Variants in TNRC6C observed in about 807,000 individuals in gnomAD.
The protein encoded by TNRC6C is trinucleotide repeat-containing gene 6C protein.
A neutral mutation model predicts 153.7 loss-of-function variants in TNRC6C; 20 were observed. The observed-to-expected ratio is 0.13, with a 90% CI of 0.09 to 0.19. The LOEUF is 0.19. Ranked by LOEUF, TNRC6C falls within the 10% of genes least tolerant of loss-of-function variation. The pLI is 1.00. For missense variants in TNRC6C, 1,987 were observed against 2,172.0 expected, an observed-to-expected ratio of 0.91 and a Z score of 1.69; for synonymous variants, 811 against 841.4, an observed-to-expected ratio of 0.96 and a Z score of 0.63.
chr17:77,970,031 A>G (rs935356718), intron 1 of TNRC6C, among the ~76,000 whole-genome samples: 9 of 152,206 alleles, frequency 5.9e-5, no homozygotes, highest in Non-Finnish European at 8.8e-5. Flanking sequence ...CATTTAATTC[A>G]GCTACTTCCT....
intron 1 of TNRC6C, among the ~76,000 whole-genome samples, chr17:78,030,319 TGTGTGC>T (rs1207709004): frequency 7.2e-6 from 1 of 138,002 alleles, no homozygotes; most frequent in African/African-American, 2.5e-5. Context: ...CTGGCTTGTG[TGTGTGC>T]GTGTGTGTGT....
Position 78,073,026 on chromosome 17 carries a change from T to C in TNRC6C, c.2860-11T>C, listed in dbSNP as rs1480487994. The C allele has an allele frequency of 6.4e-6, 10 of 1,551,852 alleles. No individual in the cohort carries two copies. Among genetic ancestry groups the C allele is most frequent in the Non-Finnish European group, 8.7e-6 (10 of 1,146,780 alleles). On this transcript the variant is annotated splice_polypyrimidine_tract_variant and intron_variant, in intron 6 of 19. Coordinates refer to ENST00000301624, the Ensembl canonical transcript of TNRC6C. ...AATGTGCACTAATGAAAACTCTGTT[T>C]TCCTACACAGAGAGAGCCAGCTGAG...
intron 2 of TNRC6C, among the ~76,000 whole-genome samples, chr17:78,036,199 A>G (rs2072174989): frequency 6.6e-6 from 1 of 152,206 alleles, no homozygotes; most frequent in South Asian, 2.1e-4. Context: ...TGTTTTTCCC[A>G]GGTGTCTTAG....
exon 13 of TNRC6C, chr17:78,086,860 G>T: frequency 6.2e-7 from 1 of 1,611,670 alleles, no homozygotes; most frequent in Non-Finnish European, 8.5e-7. Flanking sequence ...CAGGTTGCGC[G>T]CACAATCACT....
intron 2 of TNRC6C, chr17:78,041,211 T>C (rs1008832859): frequency 2.6e-5 from 4 of 152,206 alleles, no homozygotes; most frequent in African/African-American, 9.7e-5. Flanking sequence ...GTTTGTGACA[T>C]AACATTCCAG....
intron 6 of TNRC6C, among the ~76,000 whole-genome samples, chr17:78,071,618 G>A (rs2072998784): frequency 6.6e-6 from 1 of 152,144 alleles, no homozygotes; most frequent in South Asian, 2.1e-4. Context: ...GAACACCTGG[G>A]CTCAAGCGAT....
intron 17 of TNRC6C, among the ~76,000 whole-genome samples, chr17:78,100,084 G>GGCAGC (rs1383252059): frequency 6.6e-6 from 1 of 152,154 alleles, no homozygotes; most frequent in Non-Finnish European, 1.5e-5. Context: ...CATGGTCTTG[G>GGCAGC]GCAGCTCTGC....
At chr17:78,108,767 C>G (rs1360566766) in exon 20 of TNRC6C, 1 of 152,722 alleles carries the variant, frequency 6.5e-6, no homozygotes, top group African/African-American at 2.4e-5. Context: ...AGGTTCTTCA[C>G]CTGCATCTGT....
intron 3 of TNRC6C, among the ~76,000 whole-genome samples, chr17:78,052,841 C>T (rs2072564726): frequency 6.6e-6 from 1 of 152,208 alleles, no homozygotes; most frequent in Admixed American, 6.5e-5. Context: ...GCTAACGCAT[C>T]AGTGTCACTA....
In TNRC6C at chr17:78,084,216, G is replaced by A. The variant is rs565773280; in HGVS notation, c.3477+1050G>A. Among the ~76,000 whole-genome samples the A allele has an allele frequency of 7.6e-4, 116 of 151,822 alleles. No individual in the cohort carries two copies. The Middle Eastern group carries it at 0.01, about 13-fold the overall frequency. On this transcript the variant is annotated intron_variant, in intron 11 of 19. Transcript: ENST00000301624. ...GGAGAATCGCTTGAACCTGGAAGGC[G>A]GAGGTTGCAGTGAGCCTCGCACCTT...
chr17:78,017,779 A>G (rs971355030), intron 1 of TNRC6C, among the ~76,000 whole-genome samples: 1 of 152,206 alleles, frequency 6.6e-6, no homozygotes, highest in Non-Finnish European at 1.5e-5. Context: ...CAGCCCCCGA[A>G]GGCGAGAAGC....
intron 1 of TNRC6C, among the ~76,000 whole-genome samples, chr17:78,012,928 T>G (rs7213788): frequency 5.9e-5 from 9 of 152,046 alleles, no homozygotes; most frequent in African/African-American, 2.2e-4. Context: ...TAAAAGTAAG[T>G]GAGAGAATTG....
chr17:78,006,542 TC>T (rs1567910912), intron 1 of TNRC6C, among the ~76,000 whole-genome samples: 1 of 138,552 alleles, frequency 7.2e-6, no homozygotes, highest in Non-Finnish European at 1.6e-5. Context: ...TTCTTCTTCT[TC>T]TTCTTCTTCT....
chr17:77,986,190 C>T (rs567890518), intron 1 of TNRC6C, among the ~76,000 whole-genome samples: 1 of 152,208 alleles, frequency 6.6e-6, no homozygotes, highest in South Asian at 2.1e-4. Context: ...CCGAGGTGGG[C>T]GGATCACCCG....
chr17:77,992,821 T>C (rs2071272275), intron 1 of TNRC6C, among the ~76,000 whole-genome samples: 1 of 152,186 alleles, frequency 6.6e-6, no homozygotes, highest in South Asian at 2.1e-4. Context: ...TTATGGTTCA[T>C]GAGAATCCGT....
exon 15 of TNRC6C, chr17:78,092,962 C>T (rs747066911): frequency 6.2e-7 from 1 of 1,613,858 alleles, no homozygotes; most frequent in Non-Finnish European, 8.5e-7. Flanking sequence ...AAGCATTGGG[C>T]CTCCAGGTAA....
At chr17:78,037,914 AT>A (rs1212584086) in intron 2 of TNRC6C, among the ~76,000 whole-genome samples, 1 of 152,188 alleles carries the variant, frequency 6.6e-6, no homozygotes, top group Non-Finnish European at 1.5e-5. Flanking sequence ...TCCTCTAGTA[AT>A]TTTAACAGCG....
exon 2 of TNRC6C, chr17:78,031,765 G>A: frequency 1.6e-6 from 2 of 1,232,336 alleles, no homozygotes; most frequent in Non-Finnish European, 1.0e-6. Context: ...CCAACCCAGG[G>A]TGCTGGGCCT....
intron 1 of TNRC6C, among the ~76,000 whole-genome samples, chr17:77,966,714 A>G (rs995750449): frequency 6.6e-6 from 1 of 152,212 alleles, no homozygotes; most frequent in African/African-American, 2.4e-5. Context: ...CAAGTATGTG[A>G]TGAGCCATGT....
Sources: allele counts gnomAD v4.1 joint callset (sites outside exome capture counted in the v4.1 genomes callset), GRCh38; gene constraint gnomAD v4.1.1; transcripts MANE v1.5; gene names NCBI Gene and HGNC (gene_info 2026-07-23, HGNC 2026-07-21).